Variants in BIVM observed in about 807,000 individuals in gnomAD.
BIVM encodes the protein basic immunoglobulin-like variable motif-containing protein.
BIVM carries 31 observed loss-of-function variants against 61.4 expected under a neutral mutation model. The observed-to-expected ratio is 0.51, with a 90% CI of 0.38 to 0.68. The LOEUF (loss-of-function observed/expected upper bound fraction) is 0.68, where lower values mean the gene tolerates loss of function less well. Among genes scored for constraint, BIVM ranks in the 30% least tolerant of loss-of-function variants. BIVM has a pLI of 0.00. For synonymous variants in BIVM, 189 were observed against 210.7 expected, an observed-to-expected ratio of 0.90 and a Z score of 0.89; for missense variants, 526 against 596.0, an observed-to-expected ratio of 0.88 and a Z score of 1.22.
At position 102,799,272 on chromosome 13, in the gene BIVM, G is replaced by C; in HGVS notation, c.-456G>C. On this transcript the variant is annotated 5_prime_UTR_variant, in exon 1 of 11. Transcript: ENST00000257336. Reference sequence around the variant, plus strand: ...CTGGAGGCGCAGCTCAGGTTTTTGCGTTGGTCACCCTGCCCTCCGCACGTG... The same window carrying C: ...CTGGAGGCGCAGCTCAGGTTTTTGCCTTGGTCACCCTGCCCTCCGCACGTG... The C allele has an allele frequency of 4.0e-6, 1 of 249,504 alleles. No individual in the cohort carries two copies. The highest frequency in any genetic ancestry group is 2.2e-5 in the African/African-American group (1 of 45,078). 15.5% of individuals were successfully genotyped at this position (249,504 alleles called of 1,614,324 possible).
chr13:102,814,693 C>T (rs1595341485), intron 3 of BIVM, among the ~76,000 whole-genome samples: 1 of 152,134 alleles, frequency 6.6e-6, no homozygotes, highest in South Asian at 2.1e-4. Context: ...AGTTGCTCAC[C>T]TTTGCCAGTG....
At chr13:102,821,552 T>C (rs1446987777) in intron 5 of BIVM, among the ~76,000 whole-genome samples, 191 bp from the exon 6 acceptor site, 1 of 152,112 alleles carries the variant, frequency 6.6e-6, no homozygotes, top group Non-Finnish European at 1.5e-5. Context: ...CAGTGAGCTA[T>C]GATCACGCCA....
intron 7 of BIVM, among the ~76,000 whole-genome samples, chr13:102,824,044 A>G (rs559603958): frequency 6.6e-6 from 1 of 152,258 alleles, no homozygotes; most frequent in African/African-American, 2.4e-5. Context: ...GATGTGCCAA[A>G]CCTTTTTCTG....
intron 4 of BIVM, among the ~76,000 whole-genome samples, chr13:102,819,478 TTG>T (rs1369497990): frequency 6.6e-6 from 1 of 152,210 alleles, no homozygotes; most frequent in African/African-American, 2.4e-5. Context: ...TTATTAGCTT[TTG>T]TGTGTCATTT....
chr13:102,815,412 A>G (rs1447917541), intron 3 of BIVM, among the ~76,000 whole-genome samples: 2 of 152,194 alleles, frequency 1.3e-5, no homozygotes, highest in Non-Finnish European at 2.9e-5. Flanking sequence ...TCTTAATAGT[A>G]TTTTAATGAA....
At chr13:102,800,594 C>A (rs1442653161) in intron 1 of BIVM, 2 of 152,324 alleles carry the variant, frequency 1.3e-5, no homozygotes, top group African/African-American at 4.8e-5. Flanking sequence ...CCTCGGAGCC[C>A]GGCCGAGCGG....
At chr13:102,804,457 C>T (rs1008975444) in intron 1 of BIVM, among the ~76,000 whole-genome samples, 17 of 152,072 alleles carry the variant, frequency 1.1e-4, no homozygotes, top group African/African-American at 3.6e-4. Flanking sequence ...ATTACAGGTG[C>T]GCGCCATCAT....
At chr13:102,833,327 GTTT>G (rs532303115) in intron 8 of BIVM, among the ~76,000 whole-genome samples, 11 of 79,598 alleles carry the variant, frequency 1.4e-4, no homozygotes, top group South Asian at 5.5e-4. Context: ...GATAGGATGG[GTTT>G]TTTTTTTTTT....
intron 3 of BIVM, among the ~76,000 whole-genome samples, chr13:102,812,533 T>C (rs901429180): frequency 1.3e-5 from 2 of 152,226 alleles, no homozygotes; most frequent in Non-Finnish European, 2.9e-5. Flanking sequence ...TTAGTTTTTG[T>C]TTTTTGATTG....
At chr13:102,802,959 G>A (rs574992292) in intron 1 of BIVM, among the ~76,000 whole-genome samples, 6 of 151,732 alleles carry the variant, frequency 4.0e-5, no homozygotes, top group Non-Finnish European at 7.4e-5. Flanking sequence ...TATCTTTAGC[G>A]TCCAGGAAGC....
chr13:102,838,111 G>A (rs1258662472), intron 9 of BIVM, among the ~76,000 whole-genome samples: 1 of 152,140 alleles, frequency 6.6e-6, no homozygotes, highest in Non-Finnish European at 1.5e-5. Context: ...ACTTTTTGAT[G>A]CTATTGTAAA....
Position 102,839,988 on chromosome 13 carries a change from T to C in BIVM, c.*123T>C. The C allele has an allele frequency of 9.1e-7, 1 of 1,097,662 alleles. No individual in the cohort carries two copies. Among genetic ancestry groups the C allele is most frequent in the South Asian group, 1.6e-5 (1 of 61,298 alleles). The allele number at this position is 1,097,662 out of a possible 1,614,324, so 68.0% of individuals were successfully genotyped here. A position where few individuals can be genotyped will look rare whatever the true frequency, so the allele number is the denominator to read the frequency against. ...GGAGCAGATCTTGTGGTATAAAAAA[T>C]AACCTTGTAGTTCTCCAGATACTAA... On this transcript the variant is annotated 3_prime_UTR_variant, in exon 11 of 11. Coordinates refer to ENST00000257336, the MANE Select transcript of BIVM (RefSeq NM_017693.4).
At chr13:102,819,138 G>C (rs1270920355) in intron 4 of BIVM, among the ~76,000 whole-genome samples, 6 of 152,150 alleles carry the variant, frequency 3.9e-5, no homozygotes, top group Non-Finnish European at 5.9e-5. Flanking sequence ...TTAGGTTGGA[G>C]TTCACACTCA....
intron 6 of BIVM, 46 bp downstream of exon 6, chr13:102,821,893 AAAT>A (rs771771537): frequency 7.2e-5 from 114 of 1,591,736 alleles, no homozygotes; most frequent in Non-Finnish European, 8.7e-5. Context: ...TAGTTTTGCA[AAAT>A]AATAATGATG....
intron 4 of BIVM, 153 bp downstream of exon 4, chr13:102,816,707 C>A: frequency 1.3e-6 from 1 of 757,092 alleles, no homozygotes; most frequent in Non-Finnish European, 1.8e-6. Flanking sequence ...AAAGTCACCA[C>A]AAATGTTTGA....
chr13:102,821,625 A>T, intron 5 of BIVM, 118 bp from the exon 6 acceptor site: 1 of 833,478 alleles, frequency 1.2e-6, no homozygotes, highest in Non-Finnish European at 1.7e-6. Context: ...AAAATAAAAT[A>T]ATGAAAAATA....
At chr13:102,831,505 T>G in intron 7 of BIVM, 60 bp from the exon 8 acceptor site, 1 of 1,605,058 alleles carries the variant, frequency 6.2e-7, no homozygotes, top group Non-Finnish European at 8.5e-7. Flanking sequence ...CGGTCCTTTG[T>G]GTAAAGCATG....
At position 102,831,735 on chromosome 13, in the gene BIVM, A is replaced by T. The variant is rs764223074; in HGVS notation, c.1034+38A>T. 2.5e-6 allele frequency: 4 copies of T among 1,609,372 alleles called. No individual in the cohort carries two copies. The East Asian group carries it at 6.7e-5, about 27-fold the overall frequency. On this transcript the variant is annotated intron_variant, in intron 8 of 10. Coordinates refer to ENST00000257336, the MANE Select transcript of BIVM (RefSeq NM_017693.4). ...GTGTTTTAGAAAGTGCATTTTAAGA[A>T]ATATTAAAAAATAGATGGGTGCGGT... is the stretch of plus-strand genomic sequence containing the variant.
intron 7 of BIVM, among the ~76,000 whole-genome samples, chr13:102,826,192 C>T (rs1880658439): frequency 6.6e-6 from 1 of 152,132 alleles, no homozygotes; most frequent in African/African-American, 2.4e-5. Context: ...AAAATGTTTT[C>T]TCTTTCCCTT....
Sources: allele counts gnomAD v4.1 joint callset (sites outside exome capture counted in the v4.1 genomes callset), GRCh38; gene constraint gnomAD v4.1.1; transcripts MANE v1.5; gene names NCBI Gene and HGNC (gene_info 2026-07-23, HGNC 2026-07-21).